MAMDC2: variants seen among roughly 807,000 people sequenced by gnomAD.
The protein encoded by MAMDC2 is MAM domain-containing protein 2.
Under a neutral mutation model 89.8 loss-of-function variants are expected in MAMDC2, and 57 were observed. That is an observed-to-expected ratio of 0.63 (90% CI 0.51 to 0.79). The LOEUF (loss-of-function observed/expected upper bound fraction) is 0.79. Ranked by LOEUF, MAMDC2 falls within the 30% of genes least tolerant of loss-of-function variation. The probability of loss-of-function intolerance (pLI) is 0.00; values close to 1 mark genes in which losing one functional copy is unlikely to be tolerated. For missense variants in MAMDC2, 800 were observed against 820.6 expected (o/e 0.97, Z 0.31); for synonymous variants, 313 against 293.4 (o/e 1.07, Z -0.68).
chr9:70,081,033 T>G (rs964003306), intron 2 of MAMDC2, among the ~76,000 whole-genome samples: 3 of 152,114 alleles, frequency 2.0e-5, no homozygotes, highest in Non-Finnish European at 4.4e-5. Flanking sequence ...TAATAATAAA[T>G]GTTTGTTGAG....
rs1383648556 is a variant in MAMDC2 at position 70,145,648 on chromosome 9, T to C, written c.1404+1829T>C. ...GGGTGCACTAGAAAGTAATGGAATC[T>C]TCGTTACACTCTATGTCCTATTTTG... On this transcript the variant is annotated intron_variant, in intron 9 of 13. Transcript: ENST00000377182. 2.6e-5 allele frequency among the ~76,000 whole-genome samples: 4 copies of C among 152,148 alleles called. No homozygotes were observed. The East Asian group carries it at 7.7e-4, about 29-fold the overall frequency.
chr9:70,196,022 T>C (rs1326182031), intron 11 of MAMDC2, among the ~76,000 whole-genome samples: 1 of 152,106 alleles, frequency 6.6e-6, no homozygotes, highest in Non-Finnish European at 1.5e-5. Flanking sequence ...TGGGGAAGCC[T>C]AGTAATAATG....
At chr9:70,140,812 C>T (rs2031188816) in intron 8 of MAMDC2, among the ~76,000 whole-genome samples, 1 of 152,112 alleles carries the variant, frequency 6.6e-6, no homozygotes, top group African/African-American at 2.4e-5. Flanking sequence ...GTATATTTTA[C>T]TATAATTTAA....
At chr9:70,129,278 G>A (rs2030692688) in intron 6 of MAMDC2, among the ~76,000 whole-genome samples, 1 of 152,172 alleles carries the variant, frequency 6.6e-6, no homozygotes. Context: ...ATAAGGATGA[G>A]TTTCCCTGCA....
intron 9 of MAMDC2, among the ~76,000 whole-genome samples, chr9:70,149,066 C>A (rs2031501801): frequency 7.2e-6 from 1 of 138,582 alleles, no homozygotes; most frequent in South Asian, 2.3e-4. Flanking sequence ...TTTTTATTAG[C>A]CAGGCATGGT....
At chr9:70,107,404 C>G (rs1446307691) in intron 2 of MAMDC2, among the ~76,000 whole-genome samples, 1 of 151,800 alleles carries the variant, frequency 6.6e-6, no homozygotes, top group Non-Finnish European at 1.5e-5. Flanking sequence ...AATAAGAAGA[C>G]AGAAGAGAGG....
rs746951372 is a variant in MAMDC2 at position 70,226,198 on chromosome 9, CTTTT to C, written c.*170_*173del. On this transcript the variant is annotated 3_prime_UTR_variant, in exon 14 of 14. Coordinates refer to ENST00000377182, the MANE Select transcript of MAMDC2 (RefSeq NM_153267.5). ...TGCAAAAACATACTGACTCAGGGCT[CTTTT>C]TTTCTTTTTGCATATGACAACTGTT... 8.9e-6 allele frequency: 4 copies of C among 448,208 alleles called. No individual in the cohort carries two copies. Among genetic ancestry groups the C allele is most frequent in the African/African-American group, 8.2e-5 (4 of 48,538 alleles). 27.8% of individuals were successfully genotyped at this position (448,208 alleles called of 1,614,324 possible).
At chr9:70,106,894 C>T (rs944701000) in intron 2 of MAMDC2, among the ~76,000 whole-genome samples, 2 of 152,254 alleles carry the variant, frequency 1.3e-5, no homozygotes, top group Admixed American at 6.5e-5. Context: ...GTTAGCCTGT[C>T]GGTACTCGCC....
At chr9:70,208,275 C>T (rs952217371) in intron 11 of MAMDC2, among the ~76,000 whole-genome samples, 43 of 152,072 alleles carry the variant, frequency 2.8e-4, no homozygotes, top group Non-Finnish European at 4.0e-4. Flanking sequence ...CATGGAATGT[C>T]CTTCCATTTC....
At chr9:70,083,986 T>C (rs775350363) in intron 2 of MAMDC2, among the ~76,000 whole-genome samples, 1 of 152,130 alleles carries the variant, frequency 6.6e-6, no homozygotes, top group Non-Finnish European at 1.5e-5. Context: ...TTAGCCTCAA[T>C]GTCTTCTCAA....
At chr9:70,214,515 G>T (rs1405878866) in intron 11 of MAMDC2, among the ~76,000 whole-genome samples, 1 of 152,216 alleles carries the variant, frequency 6.6e-6, no homozygotes, top group Non-Finnish European at 1.5e-5. Flanking sequence ...CAATTGTAAG[G>T]ACTTTAGCTT....
intron 7 of MAMDC2, among the ~76,000 whole-genome samples, chr9:70,132,769 C>T (rs1254124584): frequency 2.0e-5 from 3 of 152,020 alleles, no homozygotes; most frequent in Non-Finnish European, 2.9e-5. Context: ...AGGGATCCTC[C>T]CACTTTGTCC....
intron 2 of MAMDC2, among the ~76,000 whole-genome samples, chr9:70,071,362 A>T (rs900377552): frequency 6.6e-6 from 1 of 152,042 alleles, no homozygotes; most frequent in Non-Finnish European, 1.5e-5. Context: ...TTTTTTTTCC[A>T]TGCAAGTAGA....
At chr9:70,143,522 T>A in intron 8 of MAMDC2, 32 bp from the exon 9 acceptor site, 1 of 1,607,488 alleles carries the variant, frequency 6.2e-7, no homozygotes, top group Non-Finnish European at 8.5e-7. Flanking sequence ...TAGATTATTT[T>A]GCATTGCTGA....
chr9:70,105,149 C>T (rs1409102966), intron 2 of MAMDC2, among the ~76,000 whole-genome samples: 6 of 152,116 alleles, frequency 3.9e-5, no homozygotes, highest in South Asian at 2.1e-4. Flanking sequence ...ATATCTTCCT[C>T]ATCCTATATT....
At chr9:70,125,682 A>G (rs1279825766) in intron 5 of MAMDC2, among the ~76,000 whole-genome samples, 1 of 152,246 alleles carries the variant, frequency 6.6e-6, no homozygotes, top group Non-Finnish European at 1.5e-5. Flanking sequence ...TCTTGCATTA[A>G]TTGTAAACAT....
At chr9:70,163,307 C>A (rs1220445582) in intron 9 of MAMDC2, among the ~76,000 whole-genome samples, 9 of 148,448 alleles carry the variant, frequency 6.1e-5, no homozygotes, top group Non-Finnish European at 1.2e-4. Context: ...TGCCTCACTG[C>A]AACCTTTGCC....
Position 70,133,217 on chromosome 9 carries a change from TTATC to T in MAMDC2, c.994+1608_994+1611del, listed in dbSNP as rs1241931817. On this transcript the variant is annotated intron_variant, in intron 7 of 13. Coordinates refer to ENST00000377182, the MANE Select transcript of MAMDC2 (RefSeq NM_153267.5). ...GTTTTGTCTATGGTAGAAGAGGTGT[TTATC>T]TAATATCTGCGCTGGGCAGAGGGTG... 2.0e-5 allele frequency among the ~76,000 whole-genome samples: 3 copies of T among 152,180 alleles called. No homozygotes were observed. In the East Asian group the frequency reaches 5.8e-4, roughly 29 times the overall value.
chr9:70,167,211 C>T (rs1406506981), intron 9 of MAMDC2, among the ~76,000 whole-genome samples: 2 of 152,110 alleles, frequency 1.3e-5, no homozygotes, highest in Admixed American at 6.5e-5. Flanking sequence ...TCCAAACTAT[C>T]CTTTTTATAA....
Sources: gnomAD v4.1 joint callset for allele counts (sites outside exome capture counted in the v4.1 genomes callset) on GRCh38, gnomAD v4.1.1 for gene constraint, MANE v1.5 for transcripts, NCBI Gene and HGNC (gene_info 2026-07-23, HGNC 2026-07-21) for gene names.